EML5: variants seen among roughly 807,000 people sequenced by gnomAD.
EML5 encodes echinoderm microtubule-associated protein-like 5.
A neutral mutation model predicts 250.0 loss-of-function variants in EML5; 120 were observed. The ratio of observed to expected loss-of-function variants is 0.48; its 90% CI spans 0.41 to 0.56. The LOEUF is 0.56. EML5 is among the 20% of genes least tolerant of loss of function. The pLI is 0.00. For synonymous variants in EML5, 771 were observed against 806.5 expected (o/e 0.96, Z 0.75); for missense variants, 2,006 against 2,437.6 (o/e 0.82, Z 3.73).
In EML5 at chr14:88,658,016, T is replaced by C. The variant is rs116326080; in HGVS notation, c.3877+171A>G. On this transcript the variant is annotated intron_variant, in intron 26 of 43. Coordinates refer to ENST00000554922, the MANE Select transcript of EML5 (RefSeq NM_183387.3). ...AAATAATATCAAAGTCATAAATTCA[T>C]GGCAACCTGTTGTTCTTGAGTCACA... Among the ~76,000 whole-genome samples, 374 of 152,318 alleles carry C rather than the reference T, an allele frequency of 2.5e-3. 1 individual carries two copies. Among genetic ancestry groups the C allele is most frequent in the African/African-American group, 8.3e-3 (347 of 41,588 alleles).
Position 88,792,420 on chromosome 14 carries a change from G to C in EML5, c.84C>G (p.Leu28=). 3 of 1,554,218 alleles carry C rather than the reference G, an allele frequency of 1.9e-6. No homozygotes were observed. The highest frequency in any genetic ancestry group is 2.6e-6 in the Non-Finnish European group (3 of 1,150,918). Residue 28 remains leucine (L), a synonymous_variant, in exon 1 of 44, where the codon CTC becomes CTG. Transcript: ENST00000554922. The surrounding 1 kb of genome is among the most constrained non-coding windows in gnomAD (Gnocchi z 6.9). ...CGATCTCCTTGGCCGCAGTGTAGTA[G>C]AGGTTGTTGCGGCACTGGTGGCCCC... ...GYRGHQCRNN[L]YYTAAKEIVY...
intron 10 of EML5, among the ~76,000 whole-genome samples, chr14:88,710,081 C>T (rs1439993999): frequency 2.6e-5 from 4 of 152,142 alleles, no homozygotes; most frequent in Non-Finnish European, 1.5e-5. Flanking sequence ...CTCCCTGACC[C>T]TGACCTGCTC....
chr14:88,687,130 CAT>C, intron 19 of EML5, 84 bp downstream of exon 19: 1 of 988,946 alleles, frequency 1.0e-6, no homozygotes, highest in Non-Finnish European at 1.5e-6. Flanking sequence ...AAATACATGC[CAT>C]GTGTTCCACC....
At chr14:88,641,409 G>A (rs1054275885) in intron 31 of EML5, among the ~76,000 whole-genome samples, 4 of 151,892 alleles carry the variant, frequency 2.6e-5, no homozygotes, top group Admixed American at 1.3e-4. Context: ...ACATAGATGC[G>A]AAAAGCCTCA....
At chr14:88,761,505 C>T (rs59827964) in intron 1 of EML5, among the ~76,000 whole-genome samples, 378 of 152,134 alleles carry the variant, frequency 2.5e-3, no homozygotes, top group Non-Finnish European at 3.2e-3. Context: ...CCAGCTTCAT[C>T]GTCCCTGCAA....
chr14:88,638,285 G>A lies in EML5; in HGVS notation c.4336+524C>T, dbSNP rs189254573. Among the ~76,000 whole-genome samples, 5 of 152,248 alleles carry A rather than the reference G, an allele frequency of 3.3e-5. No homozygotes were observed. The East Asian group carries it at 9.7e-4, about 29-fold the overall frequency. On this transcript the variant is annotated intron_variant, in intron 32 of 43. Transcript: ENST00000554922. ...TTTTCACAGAGGTAAAAGAATACAG[G>A]TATATTTCAAAACAGCTCAAGACAG... is the stretch of plus-strand genomic sequence containing the variant.
chr14:88,770,166 T>G (rs1032570897), intron 1 of EML5, among the ~76,000 whole-genome samples: 5 of 152,136 alleles, frequency 3.3e-5, no homozygotes, highest in African/African-American at 1.2e-4. Flanking sequence ...TCTGTTTAAG[T>G]AATGCTGGGG....
chr14:88,654,851 G>A (rs531742446), intron 27 of EML5, among the ~76,000 whole-genome samples: 55 of 152,076 alleles, frequency 3.6e-4, no homozygotes, highest in African/African-American at 1.3e-3. Flanking sequence ...TTTCTGTCTC[G>A]TTGATCTAAT....
Position 88,614,247 on chromosome 14 carries a change from G to C in EML5, c.*1571C>G, listed in dbSNP as rs2087258946. 1 of 152,138 alleles carries C rather than the reference G, an allele frequency of 6.6e-6. No individual in the cohort carries two copies. Among genetic ancestry groups the C allele is most frequent in the South Asian group, 2.1e-4 (1 of 4,824 alleles). The allele number at this position is 152,138 out of a possible 1,614,324, so 9.4% of individuals were successfully genotyped here. ...TTATTGACTGACTGTAAATACATGA[G>C]TAGAAACTTAATAGTCATGTATTTC... On this transcript the variant is annotated 3_prime_UTR_variant, in exon 44 of 44. Transcript: ENST00000554922.
chr14:88,652,498 C>A lies in EML5; in HGVS notation c.4005-2572G>T, dbSNP rs1255486847. On this transcript the variant is annotated intron_variant, in intron 27 of 43. Coordinates refer to ENST00000554922, the MANE Select transcript of EML5 (RefSeq NM_183387.3). Reference sequence around the variant, plus strand: ...CCCTCTGACGAAGCTTTCCTGTAGTCATTTCTATCTCTCTGAGTTCCAAAA... The same window carrying A: ...CCCTCTGACGAAGCTTTCCTGTAGTAATTTCTATCTCTCTGAGTTCCAAAA... Among the ~76,000 whole-genome samples the A allele has an allele frequency of 5.3e-5, 8 of 152,258 alleles. No individual in the cohort carries two copies. The East Asian group carries it at 1.5e-3, about 29-fold the overall frequency.
intron 7 of EML5, 72 bp downstream of exon 7, chr14:88,736,292 C>T (rs2093840375): frequency 6.5e-7 from 1 of 1,548,484 alleles, no homozygotes; most frequent in Non-Finnish European, 8.9e-7. Context: ...AGCCACAGTG[C>T]CTGGCCATGT....
chr14:88,737,224 C>G (rs1005603921), intron 6 of EML5, among the ~76,000 whole-genome samples: 3 of 152,184 alleles, frequency 2.0e-5, no homozygotes, highest in Non-Finnish European at 4.4e-5. Flanking sequence ...GCACCACATG[C>G]CCCCATTTAT....
chr14:88,668,170 A>G, intron 21 of EML5, among the ~76,000 whole-genome samples: 1 of 152,190 alleles, frequency 6.6e-6, no homozygotes. Context: ...ACTTTTTGCT[A>G]GTTAGCAATT....
At chr14:88,777,846 A>T (rs896375523) in intron 1 of EML5, among the ~76,000 whole-genome samples, 24 of 152,284 alleles carry the variant, frequency 1.6e-4, no homozygotes, top group Non-Finnish European at 2.8e-4. Flanking sequence ...ATGGTGGCAC[A>T]CACCTGTAGT....
chr14:88,623,819 G>A (rs2089485478), intron 36 of EML5: 1 of 152,222 alleles, frequency 6.6e-6, no homozygotes, highest in South Asian at 2.1e-4. Flanking sequence ...GGGGTGTGCA[G>A]GAGTAAATGA....
intron 14 of EML5, among the ~76,000 whole-genome samples, chr14:88,700,820 A>G (rs1400571680): frequency 2.0e-5 from 3 of 152,174 alleles, no homozygotes; most frequent in Non-Finnish European, 4.4e-5. Flanking sequence ...TCCAAGACCC[A>G]GTTTGTGTTA....
At chr14:88,734,960 T>C (rs1383249982) in intron 7 of EML5, among the ~76,000 whole-genome samples, 1 of 152,160 alleles carries the variant, frequency 6.6e-6, no homozygotes, top group African/African-American at 2.4e-5. Context: ...AAAAATATTT[T>C]ATGAGACAAT....
At chr14:88,694,115 A>C (rs994408611) in intron 17 of EML5, among the ~76,000 whole-genome samples, 192 bp downstream of exon 17, 20 of 152,186 alleles carry the variant, frequency 1.3e-4, no homozygotes, top group African/African-American at 4.8e-4. Flanking sequence ...TGTTGAAACT[A>C]AGAAACCAAC....
At chr14:88,730,813 T>C (rs911512524) in intron 7 of EML5, among the ~76,000 whole-genome samples, 2 of 152,202 alleles carry the variant, frequency 1.3e-5, no homozygotes, top group African/African-American at 4.8e-5. Context: ...AACTAACTGA[T>C]GGTGGGAAAA....
Sources: gnomAD v4.1 joint callset for allele counts (sites outside exome capture counted in the v4.1 genomes callset) on GRCh38, gnomAD v4.1.1 for gene constraint, Gnocchi (gnomAD v3.1) non-coding constraint, MANE v1.5 for transcripts, NCBI Gene and HGNC (gene_info 2026-07-23, HGNC 2026-07-21) for gene names.